KLF13: variants seen among roughly 807,000 people sequenced by gnomAD.
KLF13 encodes the protein Krueppel-like factor 13.
In KLF13, 8 loss-of-function variants were observed where a neutral mutation model predicts 16.7. That is an observed-to-expected ratio of 0.48 (90% CI 0.28 to 0.87). KLF13 has a LOEUF of 0.87. KLF13 is among the 40% of genes least tolerant of loss of function. The probability of loss-of-function intolerance (pLI) is 0.10; values close to 1 mark genes in which losing one functional copy is unlikely to be tolerated. For missense variants in KLF13, 447 were observed against 452.2 expected, an observed-to-expected ratio of 0.99 and a Z score of 0.10; for synonymous variants, 245 against 208.4, an observed-to-expected ratio of 1.18 and a Z score of -1.51.
At position 31,362,994 on chromosome 15, in the gene KLF13, G is replaced by A. The variant is rs2039413171; in HGVS notation, c.578-9016G>A. 1.3e-5 allele frequency among the ~76,000 whole-genome samples: 2 copies of A among 152,248 alleles called. 1 individual carries two copies. Among genetic ancestry groups the A allele is most frequent in the Admixed American group, 1.3e-4 (2 of 15,286 alleles). On this transcript the variant is annotated intron_variant, in intron 1 of 1. Coordinates refer to ENST00000307145, the MANE Select transcript of KLF13 (RefSeq NM_015995.4). Reference sequence around the variant, plus strand: ...GGTTCCTGCTGCATTGACTAATCAGGAGCATATCCCGTTTTGTAGGTGTGC... The same window carrying A: ...GGTTCCTGCTGCATTGACTAATCAGAAGCATATCCCGTTTTGTAGGTGTGC...
intron 2 of KLF13, among the ~76,000 whole-genome samples, chr15:31,400,347 A>G (rs747759565): frequency 5.9e-5 from 9 of 152,118 alleles, no homozygotes; most frequent in Non-Finnish European, 1.2e-4. Context: ...CTAAATAGAA[A>G]ACAGTGAAGG....
At chr15:31,416,306 AT>A (rs1300068057) in intron 1 of KLF13, among the ~76,000 whole-genome samples, 5 of 152,184 alleles carry the variant, frequency 3.3e-5, no homozygotes, top group Admixed American at 6.5e-5. Flanking sequence ...TTATGAAGCC[AT>A]TATTATCCTT....
intron 1 of KLF13, among the ~76,000 whole-genome samples, chr15:31,413,198 A>C (rs4779871): frequency 0.18 from 26,883 of 147,296 alleles, 3,522 homozygotes; most frequent in East Asian, 0.32. Context: ...AAAAAAAAAA[A>C]AAAACAAAAA....
chr15:31,336,926 C>T (rs187479268), intron 1 of KLF13, among the ~76,000 whole-genome samples: 102 of 152,218 alleles, frequency 6.7e-4, no homozygotes, highest in African/African-American at 2.2e-3. Context: ...GGGACCAGGG[C>T]GGATAAATGG....
At chr15:31,405,051 A>C (rs535266008), downstream of KLF13, among the ~76,000 whole-genome samples, 2 of 152,316 alleles carry the variant, frequency 1.3e-5, no homozygotes, top group South Asian at 4.1e-4. Context: ...GTGCCCCTGA[A>C]ACTCATATGT....
At chr15:31,431,796 A>C (rs2040475447) in intron 1 of KLF13, among the ~76,000 whole-genome samples, 1 of 152,234 alleles carries the variant, frequency 6.6e-6, no homozygotes, top group African/African-American at 2.4e-5. Flanking sequence ...TCTTGAGAGA[A>C]AGAAGCCAGA....
In KLF13 at chr15:31,372,209, G is replaced by A; in HGVS notation, c.777G>A (p.Arg259=). The A allele has an allele frequency of 6.2e-7, 1 of 1,604,042 alleles. No individual in the cohort carries two copies. The highest frequency in any genetic ancestry group is 1.1e-5 in the South Asian group (1 of 90,750). The change falls in exon 2 of 2, where the codon CGG becomes CGA. Residue 259 remains arginine (R), a synonymous_variant. Transcript: ENST00000307145. Reference sequence around the variant, plus strand: ...ACTTCCACCCGGGAATGCTGCAGCGGCGCGGCGGGGGCTCGCGGACCGGCT... The same window carrying A: ...ACTTCCACCCGGGAATGCTGCAGCGACGCGGCGGGGGCTCGCGGACCGGCT... ...HANFHPGMLQ[R]RGGGSRTGSL... is the part of the protein sequence containing the mutation.
At chr15:31,343,864 G>A (rs2039069313) in intron 1 of KLF13, among the ~76,000 whole-genome samples, 1 of 152,134 alleles carries the variant, frequency 6.6e-6, no homozygotes, top group African/African-American at 2.4e-5. Flanking sequence ...CTGCTCCTTA[G>A]TCTTCCCTGG....
intron 1 of KLF13, chr15:31,340,086 AG>A: frequency 1.4e-6 from 1 of 699,558 alleles, no homozygotes. Flanking sequence ...CTCTGCCTCT[AG>A]GCCTGTTTCC....
chr15:31,355,440 G>T (rs149518101), intron 1 of KLF13, among the ~76,000 whole-genome samples: 1,970 of 152,284 alleles, frequency 0.013, 18 homozygotes, highest in Non-Finnish European at 0.021. Flanking sequence ...AGTGCATGTG[G>T]TAATACACAT....
downstream of KLF13, among the ~76,000 whole-genome samples, chr15:31,382,197 G>A (rs2039735390): frequency 1.3e-5 from 2 of 152,234 alleles, no homozygotes; most frequent in African/African-American, 4.8e-5. Flanking sequence ...CACAGAGGAA[G>A]GCTGTCCCAC....
intron 1 of KLF13, among the ~76,000 whole-genome samples, chr15:31,328,028 C>A (rs1198711756): frequency 6.8e-6 from 1 of 147,812 alleles, no homozygotes; most frequent in East Asian, 2.0e-4. Context: ...GGGCACGCCC[C>A]CTCCCCGGGC....
In KLF13 at chr15:31,376,217, AG is replaced by A. The variant is rs1204217068; in HGVS notation, c.*3922del. The stretch of plus-strand genomic sequence containing the variant: ...GACCCATTCAGGATCTCAGCTGGGC[AG>A]GGGTGCCACCCAACAGGAAGATGTG... On this transcript the variant is annotated 3_prime_UTR_variant, in exon 2 of 2. Coordinates refer to ENST00000307145, the MANE Select transcript of KLF13 (RefSeq NM_015995.4). The A allele has an allele frequency of 6.5e-6, 1 of 152,702 alleles. No individual in the cohort carries two copies. Among genetic ancestry groups the A allele is most frequent in the East Asian group, 1.9e-4 (1 of 5,200 alleles). The allele number at this position is 152,702 out of a possible 1,614,324, so 9.5% of individuals were successfully genotyped here. A position where few individuals can be genotyped will look rare whatever the true frequency, so the allele number is the denominator to read the frequency against.
Position 31,327,536 on chromosome 15 carries a change from C to G in KLF13, c.324C>G (p.Pro108=), listed in dbSNP as rs927267263. Residue 108 remains proline, a synonymous_variant, in exon 1 of 2, where the codon CCC becomes CCG. Transcript: ENST00000307145. ...LPPPAPEPTS[P]GAEGAAAAPP... is the part of the protein sequence containing the mutation. ...CGCCCGCCCCCGAGCCCACCTCCCC[C>G]GGCGCCGAAGGCGCGGCGGCCGCGC... is the stretch of plus-strand genomic sequence containing the variant. 7.2e-6 allele frequency: 8 copies of G among 1,112,744 alleles called. No individual in the cohort carries two copies. The Admixed American group carries it at 1.5e-4, about 21-fold the overall frequency. 68.9% of individuals were successfully genotyped at this position (1,112,744 alleles called of 1,614,324 possible).
At chr15:31,362,934 G>A (rs2039412172) in intron 1 of KLF13, among the ~76,000 whole-genome samples, 1 of 152,188 alleles carries the variant, frequency 6.6e-6, no homozygotes, top group Admixed American at 6.5e-5. Flanking sequence ...TAATTTATTT[G>A]ACAGGCCCCA....
At chr15:31,338,079 T>G (rs2038960245) in intron 1 of KLF13, among the ~76,000 whole-genome samples, 1 of 152,204 alleles carries the variant, frequency 6.6e-6, no homozygotes, top group East Asian at 1.9e-4. Flanking sequence ...ACTTATAGCT[T>G]GTGATTTGAA....
In KLF13 at chr15:31,420,811, GC is replaced by G. The variant is rs2040313502; in HGVS notation, n.118-14557del. ...AGGTTCAAACGATTCTCGTGCCTCA[GC>G]CTCCCGAGTAGCTGGGATTACAAGC... On this transcript the variant is annotated intron_variant and non_coding_transcript_variant, in intron 1 of 1. Coordinates refer to the KLF13 transcript ENST00000558225. The G allele has an allele frequency of 4.1e-5, 7 of 172,764 alleles. No homozygotes were observed. In the East Asian group the frequency reaches 1.2e-3, roughly 30 times the overall value. The allele number at this position is 172,764 out of a possible 1,614,324, so 10.7% of individuals were successfully genotyped here.
At chr15:31,431,580 T>A (rs890687303) in intron 1 of KLF13, among the ~76,000 whole-genome samples, 2 of 152,124 alleles carry the variant, frequency 1.3e-5, no homozygotes, top group Admixed American at 6.5e-5. Flanking sequence ...TTCTCCTGCA[T>A]CAGCTTCCTG....
At chr15:31,381,096 C>T (rs899180157), downstream of KLF13, among the ~76,000 whole-genome samples, 1 of 150,030 alleles carries the variant, frequency 6.7e-6, no homozygotes, top group South Asian at 2.1e-4. Context: ...GGCTTGAACC[C>T]GGGAGCTGGA....
Sources: allele counts gnomAD v4.1 joint callset (sites outside exome capture counted in the v4.1 genomes callset), GRCh38; gene constraint gnomAD v4.1.1; transcripts MANE v1.5; gene names NCBI Gene and HGNC (gene_info 2026-07-23, HGNC 2026-07-21).